Variants in ERLIN1 observed in about 807,000 individuals in gnomAD.
ERLIN1 encodes ER lipid raft associated 1.
ERLIN1 carries 24 observed loss-of-function variants against 46.9 expected under a neutral mutation model. The ratio of observed to expected loss-of-function variants is 0.51; its 90% CI spans 0.37 to 0.72. The LOEUF (loss-of-function observed/expected upper bound fraction) is 0.72. ERLIN1 is among the 30% of genes least tolerant of loss of function. The probability of loss-of-function intolerance (pLI) is 0.00; values close to 1 mark genes in which losing one functional copy is unlikely to be tolerated. For missense variants in ERLIN1, 293 were observed against 417.9 expected (o/e 0.70, Z 2.61); for synonymous variants, 158 against 143.2 (o/e 1.10, Z -0.74).
At chr10:100,179,109 G>T in intron 3 of ERLIN1, 92 bp downstream of exon 3, 3 of 946,586 alleles carry the variant, frequency 3.2e-6, no homozygotes, top group Non-Finnish European at 5.0e-6. Flanking sequence ...TAACTATCAT[G>T]CCTATTTGAG....
Position 100,183,785 on chromosome 10 carries a change from G to C in ERLIN1, c.166C>G (p.Pro56Ala), listed in dbSNP as rs1472731785. ...ACAGATCTGAACGTAGTAATGAAAG[G>C]CAACATGATATGATAGCCTGGTCCA... is the stretch of plus-strand genomic sequence containing the variant. The part of the protein sequence containing the change: ...PSGPGYHIML[P>A]FITTFRSVQT... Residue 56 changes from proline (P) to alanine (A), a missense_variant, in exon 2 of 11, where the codon CCT (proline) becomes GCT (alanine). Transcript: ENST00000421367. The C allele has an allele frequency of 1.9e-6, 3 of 1,613,224 alleles. No individual in the cohort carries two copies. Among genetic ancestry groups the C allele is most frequent in the African/African-American group, 1.3e-5 (1 of 74,800 alleles).
At chr10:100,171,088 G>GT (rs1337135709) in intron 6 of ERLIN1, among the ~76,000 whole-genome samples, 1 of 152,154 alleles carries the variant, frequency 6.6e-6, no homozygotes, top group Admixed American at 6.5e-5. Flanking sequence ...GAATACAACT[G>GT]TAAAAGCAGA....
intron 8 of ERLIN1, among the ~76,000 whole-genome samples, chr10:100,159,586 A>T (rs1843248564): frequency 6.6e-6 from 1 of 152,150 alleles, no homozygotes. Flanking sequence ...TCTGACTACA[A>T]TGTAGTAACA....
At chr10:100,164,228 G>A in intron 7 of ERLIN1, 133 bp from the exon 8 acceptor site, 1 of 579,280 alleles carries the variant, frequency 1.7e-6, no homozygotes, top group South Asian at 2.3e-5. Flanking sequence ...GGTAGGTTAA[G>A]AGAGGTGTTA....
chr10:100,168,815 G>A (rs370082831), intron 6 of ERLIN1, among the ~76,000 whole-genome samples: 1 of 152,010 alleles, frequency 6.6e-6, no homozygotes, highest in South Asian at 2.1e-4. Flanking sequence ...TAGTTGCTGG[G>A]ATTACAGGCA....
chr10:100,151,861 G>C lies in ERLIN1; in HGVS notation c.*270C>G. ...AGTGTTTAACATTCCAGTGCAGGCA[G>C]TATCTTAGCATCAGACTTTCCTCAT... On this transcript the variant is annotated 3_prime_UTR_variant, in exon 11 of 11. Transcript: ENST00000421367. The C allele has an allele frequency of 4.1e-6, 2 of 491,256 alleles. No individual in the cohort carries two copies. The highest frequency in any genetic ancestry group is 3.7e-6 in the Non-Finnish European group (1 of 267,300). 30.4% of individuals were successfully genotyped at this position (491,256 alleles called of 1,614,324 possible).
At chr10:100,163,016 AGGCCCGCTC>A (rs1278734862) in intron 8 of ERLIN1, among the ~76,000 whole-genome samples, 23 of 152,212 alleles carry the variant, frequency 1.5e-4, no homozygotes, top group Non-Finnish European at 2.9e-4. Context: ...CAATAAAACT[AGGCCCGCTC>A]ATAGAACGAA....
chr10:100,180,646 G>A (rs1211462130), intron 2 of ERLIN1, among the ~76,000 whole-genome samples: 2 of 152,186 alleles, frequency 1.3e-5, no homozygotes, highest in Admixed American at 6.5e-5. Context: ...GAGCAGAAGG[G>A]ACAATTTGGA....
At chr10:100,164,609 A>G (rs1371451986) in intron 7 of ERLIN1, among the ~76,000 whole-genome samples, 2 of 152,246 alleles carry the variant, frequency 1.3e-5, no homozygotes, top group East Asian at 1.9e-4. Context: ...GTTATTAGGT[A>G]GTAAACTGGG....
At chr10:100,179,612 AC>A (rs138522490) in intron 2 of ERLIN1, among the ~76,000 whole-genome samples, 7,432 of 152,144 alleles carry the variant, frequency 0.049, 600 homozygotes, top group African/African-American at 0.17. Flanking sequence ...ATGCACCACT[AC>A]GCTCAGCTAA....
At chr10:100,158,508 A>G (rs1451444602) in intron 8 of ERLIN1, among the ~76,000 whole-genome samples, 4 of 152,134 alleles carry the variant, frequency 2.6e-5, no homozygotes, top group Non-Finnish European at 5.9e-5. Flanking sequence ...AGGACCGAAG[A>G]TAACTTTCAC....
intron 1 of ERLIN1, among the ~76,000 whole-genome samples, 197 bp downstream of exon 1, chr10:100,185,317 G>A (rs1844900396): frequency 2.0e-5 from 3 of 152,258 alleles, no homozygotes; most frequent in Middle Eastern, 6.8e-3. Context: ...CTTAATCTCT[G>A]CAACAAAACG....
At chr10:100,172,987 G>A (rs1844089484) in intron 6 of ERLIN1, among the ~76,000 whole-genome samples, 1 of 152,130 alleles carries the variant, frequency 6.6e-6, no homozygotes, top group Non-Finnish European at 1.5e-5. Context: ...ACAACTCAGA[G>A]GATTTTACAA....
chr10:100,152,707 T>C (rs1196679598), intron 10 of ERLIN1, among the ~76,000 whole-genome samples: 2 of 152,214 alleles, frequency 1.3e-5, no homozygotes, highest in Non-Finnish European at 2.9e-5. Flanking sequence ...GAGTTTCTGT[T>C]GATTCTCTTT....
chr10:100,164,972 T>C (rs1415665597), intron 7 of ERLIN1, among the ~76,000 whole-genome samples: 1 of 152,098 alleles, frequency 6.6e-6, no homozygotes, highest in Non-Finnish European at 1.5e-5. Flanking sequence ...TCTATGCAAA[T>C]ATTCCAGAAT....
At position 100,178,146 on chromosome 10, in the gene ERLIN1, C is replaced by T; in HGVS notation, c.291G>A (p.Leu97=). Residue 97 remains leucine (L), a synonymous_variant, in exon 4 of 11, where the codon TTG becomes TTA. Transcript: ENST00000421367. The part of the protein sequence containing the change: ...YIDRIEVVNM[L]APYAVFDIVR... Reference sequence around the variant, plus strand: ...TGGGTAACATACCTGCATAAGGAGCCAACATATTAACCACTTCTATTCGGT... The same window carrying T: ...TGGGTAACATACCTGCATAAGGAGCTAACATATTAACCACTTCTATTCGGT... 3 of 1,579,844 alleles carry T rather than the reference C, an allele frequency of 1.9e-6. No individual in the cohort carries two copies. The highest frequency in any genetic ancestry group is 2.6e-6 in the Non-Finnish European group (3 of 1,160,946).
chr10:100,181,039 G>A (rs1016918665), intron 2 of ERLIN1, among the ~76,000 whole-genome samples: 6 of 152,158 alleles, frequency 3.9e-5, no homozygotes, highest in Admixed American at 1.3e-4. Context: ...GGCAGTTCTA[G>A]GTTAAGGGGA....
At chr10:100,182,976 T>C (rs1844749235) in intron 2 of ERLIN1, among the ~76,000 whole-genome samples, 1 of 152,158 alleles carries the variant, frequency 6.6e-6, no homozygotes, top group South Asian at 2.1e-4. Context: ...GAAGAAAACC[T>C]AGGGGATTTA....
chr10:100,162,934 G>A (rs1458660434), intron 8 of ERLIN1, among the ~76,000 whole-genome samples: 1 of 152,136 alleles, frequency 6.6e-6, no homozygotes, highest in Non-Finnish European at 1.5e-5. Context: ...CACTGGATAA[G>A]AATGTTATTG....
Sources: gnomAD v4.1 joint callset for allele counts (sites outside exome capture counted in the v4.1 genomes callset) on GRCh38, gnomAD v4.1.1 for gene constraint, MANE v1.5 for transcripts, NCBI Gene and HGNC (gene_info 2026-07-23, HGNC 2026-07-21) for gene names.